Variants in KIAA1217 observed in about 807,000 individuals in gnomAD.
KIAA1217 encodes the protein KIAA1217.
In KIAA1217, 88 loss-of-function variants were observed where a neutral mutation model predicts 163.9. The ratio of observed to expected loss-of-function variants is 0.54; its 90% CI spans 0.45 to 0.64. The LOEUF is 0.64. Ranked by LOEUF, KIAA1217 falls within the 30% of genes least tolerant of loss-of-function variation. The pLI is 0.00. For synonymous variants in KIAA1217, 903 were observed against 923.1 expected (o/e 0.98, Z 0.39); for missense variants, 2,372 against 2,475.0 (o/e 0.96, Z 0.88).
At chr10:24,238,523 A>T (rs1401375896) in intron 2 of KIAA1217, among the ~76,000 whole-genome samples, 1 of 152,192 alleles carries the variant, frequency 6.6e-6, no homozygotes, top group Admixed American at 6.5e-5. Context: ...TAGACATGCA[A>T]AATATCTGGA....
chr10:24,398,619 T>A lies in KIAA1217; in HGVS notation c.553+17552T>A, dbSNP rs538238304. The stretch of plus-strand genomic sequence containing the variant: ...AAGCAGGCACCTTGGAGCTCAAGTG[T>A]GGCATTTTTATATATCGACATATTT... On this transcript the variant is annotated intron_variant, in intron 3 of 20. Coordinates refer to ENST00000376454, the MANE Select transcript of KIAA1217 (RefSeq NM_019590.5). Among the ~76,000 whole-genome samples, 218 of 152,202 alleles carry A rather than the reference T, an allele frequency of 1.4e-3. 1 individual carries two copies. Among genetic ancestry groups the A allele is most frequent in the Non-Finnish European group, 2.6e-3 (175 of 68,022 alleles).
chr10:24,221,576 T>C (rs2069661157), intron 2 of KIAA1217, among the ~76,000 whole-genome samples: 1 of 152,216 alleles, frequency 6.6e-6, no homozygotes, highest in Non-Finnish European at 1.5e-5. Context: ...TTCAATCTTC[T>C]CTTCTAGAGA....
At chr10:23,738,863 A>G (rs529451493) in intron 1 of KIAA1217, among the ~76,000 whole-genome samples, 4 of 152,206 alleles carry the variant, frequency 2.6e-5, no homozygotes, top group Non-Finnish European at 4.4e-5. Flanking sequence ...CGGTTATATT[A>G]TACTGAGGGG....
intron 17 of KIAA1217, 93 bp downstream of exon 17, chr10:24,536,986 CTCTG>C: frequency 1.4e-6 from 2 of 1,443,342 alleles, no homozygotes; most frequent in South Asian, 1.3e-5. Context: ...CCTTTGTCCC[CTCTG>C]TCTTTTTTCT....
At chr10:23,818,345 T>TAAA (rs71472817) in intron 1 of KIAA1217, among the ~76,000 whole-genome samples, 2,987 of 134,728 alleles carry the variant, frequency 0.022, 62 homozygotes, top group East Asian at 0.068. Context: ...TATATATATA[T>TAAA]AAAAAAATAT....
intron 2 of KIAA1217, among the ~76,000 whole-genome samples, chr10:24,223,753 G>A (rs1273663992): frequency 9.3e-6 from 1 of 107,384 alleles, no homozygotes; most frequent in South Asian, 2.9e-4. Flanking sequence ...TTGCTCTGTT[G>A]CCCAGGCTAG....
At chr10:24,409,792 T>C (rs1300925405) in intron 3 of KIAA1217, among the ~76,000 whole-genome samples, 1 of 152,100 alleles carries the variant, frequency 6.6e-6, no homozygotes, top group Non-Finnish European at 1.5e-5. Flanking sequence ...ATCATTCTTA[T>C]GCCTTTAAGT....
intron 1 of KIAA1217, among the ~76,000 whole-genome samples, chr10:23,894,366 A>C (rs987543481): frequency 4.0e-5 from 6 of 151,612 alleles, no homozygotes; most frequent in Non-Finnish European, 5.9e-5. Context: ...AGAGAGCCAA[A>C]TCATGAGTGA....
intron 17 of KIAA1217, among the ~76,000 whole-genome samples, chr10:24,537,666 G>A (rs934729267): frequency 7.9e-5 from 12 of 151,978 alleles, no homozygotes; most frequent in Non-Finnish European, 1.5e-4. Flanking sequence ...GTAACCTCAT[G>A]GAAACATACA....
intron 1 of KIAA1217, among the ~76,000 whole-genome samples, chr10:23,838,148 A>G (rs185746747): frequency 6.6e-6 from 1 of 152,240 alleles, no homozygotes; most frequent in East Asian, 1.9e-4. Flanking sequence ...TTCTTTTTAT[A>G]CTACTAAGAC....
chr10:24,200,552 C>T (rs2067209142), intron 2 of KIAA1217, among the ~76,000 whole-genome samples: 1 of 152,206 alleles, frequency 6.6e-6, no homozygotes, highest in African/African-American at 2.4e-5. Context: ...GGGTGACCAA[C>T]TCAACCCAGT....
chr10:24,328,159 TA>T (rs2045180789), intron 2 of KIAA1217, among the ~76,000 whole-genome samples: 1 of 152,156 alleles, frequency 6.6e-6, no homozygotes, highest in Non-Finnish European at 1.5e-5. Context: ...AAGAAAGCTT[TA>T]TTCAGGTGCT....
intron 1 of KIAA1217, among the ~76,000 whole-genome samples, chr10:23,839,256 G>A (rs576616633): frequency 4.7e-4 from 71 of 152,098 alleles, no homozygotes; most frequent in African/African-American, 1.7e-3. Flanking sequence ...ATTAAATTTT[G>A]AGATGACAAA....
At chr10:23,749,236 T>A (rs375845060) in intron 1 of KIAA1217, among the ~76,000 whole-genome samples, 10 of 152,304 alleles carry the variant, frequency 6.6e-5, no homozygotes, top group Non-Finnish European at 1.2e-4. Flanking sequence ...TTTTCTACCT[T>A]TATTTCAATT....
chr10:24,480,381 A>G (rs1323920889), intron 6 of KIAA1217, among the ~76,000 whole-genome samples: 1 of 152,166 alleles, frequency 6.6e-6, no homozygotes, highest in African/African-American at 2.4e-5. Context: ...TGCTATGACT[A>G]CCTTCAGGTC....
At position 24,139,584 on chromosome 10, in the gene KIAA1217, C is replaced by G. The variant is rs549088851; in HGVS notation, c.-170-80042C>G. Among the ~76,000 whole-genome samples, 65 of 152,134 alleles carry G rather than the reference C, an allele frequency of 4.3e-4. No homozygotes were observed. The South Asian group carries it at 0.013, about 31-fold the overall frequency. On this transcript the variant is annotated intron_variant, in intron 2 of 18. Coordinates refer to the KIAA1217 transcript ENST00000376462. Reference sequence around the variant, plus strand: ...TAAGGGCACAAGTTTGATGGTCTACCCAGTCTAATATACTGGGCCTTCCAC... The same window carrying G: ...TAAGGGCACAAGTTTGATGGTCTACGCAGTCTAATATACTGGGCCTTCCAC...
At chr10:23,951,207 G>A (rs1382711748) in intron 1 of KIAA1217, among the ~76,000 whole-genome samples, 1 of 152,112 alleles carries the variant, frequency 6.6e-6, no homozygotes, top group Non-Finnish European at 1.5e-5. Context: ...TGAAACCTAG[G>A]CAATAGGGGA....
chr10:24,372,744 A>G (rs947028555), intron 2 of KIAA1217, among the ~76,000 whole-genome samples: 4 of 152,188 alleles, frequency 2.6e-5, no homozygotes, highest in African/African-American at 4.8e-5. Context: ...ACTAAATTAT[A>G]CCCCAAAATT....
At chr10:24,540,772 T>TAC (rs1167851638) in intron 17 of KIAA1217, among the ~76,000 whole-genome samples, 3 of 152,054 alleles carry the variant, frequency 2.0e-5, no homozygotes, top group African/African-American at 4.8e-5. Context: ...CATATATATA[T>TAC]ACATATATTT....
Sources: allele counts gnomAD v4.1 joint callset (sites outside exome capture counted in the v4.1 genomes callset), GRCh38; gene constraint gnomAD v4.1.1; transcripts MANE v1.5; gene names NCBI Gene and HGNC (gene_info 2026-07-23, HGNC 2026-07-21).